CLASP1: variants seen among roughly 807,000 people sequenced by gnomAD.
CLASP1 encodes the protein CLIP-associating protein 1.
Under a neutral mutation model 192.3 loss-of-function variants are expected in CLASP1, and 38 were observed. That is an observed-to-expected ratio of 0.20 (90% CI 0.15 to 0.26). The LOEUF (loss-of-function observed/expected upper bound fraction) is 0.26, where lower values mean the gene tolerates loss of function less well. Ranked by LOEUF, CLASP1 falls within the 10% of genes least tolerant of loss-of-function variation. The probability of loss-of-function intolerance (pLI) is 1.00; values close to 1 mark genes in which losing one functional copy is unlikely to be tolerated. For missense variants in CLASP1, 1,433 were observed against 1,932.5 expected (o/e 0.74, Z 4.85); for synonymous variants, 691 against 712.8 (o/e 0.97, Z 0.49).
At chr2:121,507,566 T>A (rs1276835241) in intron 7 of CLASP1, among the ~76,000 whole-genome samples, 1 of 152,240 alleles carries the variant, frequency 6.6e-6, no homozygotes, top group Non-Finnish European at 1.5e-5. Context: ...CTAGTTGTTA[T>A]CGTTGCCTCA....
intron 9 of CLASP1, among the ~76,000 whole-genome samples, chr2:121,467,593 T>C (rs962902900): frequency 6.6e-6 from 1 of 152,212 alleles, no homozygotes; most frequent in African/African-American, 2.4e-5. Flanking sequence ...TGGCTGCATG[T>C]TCATCCTCTT....
intron 5 of CLASP1, among the ~76,000 whole-genome samples, chr2:121,526,425 T>C (rs1159365813): frequency 3.3e-5 from 5 of 152,308 alleles, no homozygotes; most frequent in Non-Finnish European, 4.4e-5. Flanking sequence ...TGGGGCACAT[T>C]TGAGTTACAA....
At chr2:121,637,022 G>A (rs916539209) in intron 1 of CLASP1, among the ~76,000 whole-genome samples, 6 of 152,164 alleles carry the variant, frequency 3.9e-5, no homozygotes, top group South Asian at 2.1e-4. Context: ...AGGCACCAGA[G>A]TGATGTCCAC....
At chr2:121,344,896 A>G (rs1034059130) in intron 39 of CLASP1, among the ~76,000 whole-genome samples, 2 of 152,120 alleles carry the variant, frequency 1.3e-5, no homozygotes, top group Non-Finnish European at 2.9e-5. Context: ...GGTGGCTCAC[A>G]CCTGCAATCC....
intron 1 of CLASP1, among the ~76,000 whole-genome samples, chr2:121,623,783 C>T (rs868719439): frequency 7.2e-5 from 11 of 152,054 alleles, no homozygotes; most frequent in Non-Finnish European, 1.0e-4. Context: ...AGGAGGCAAA[C>T]GCTGCAGTGA....
chr2:121,597,874 C>T (rs943199485), intron 2 of CLASP1, among the ~76,000 whole-genome samples: 1 of 152,190 alleles, frequency 6.6e-6, no homozygotes, highest in African/African-American at 2.4e-5. Flanking sequence ...TAAGTCCCCC[C>T]CCAATTCCCT....
At chr2:121,428,312 C>T (rs899089956) in intron 20 of CLASP1, among the ~76,000 whole-genome samples, 1 of 152,312 alleles carries the variant, frequency 6.6e-6, no homozygotes, top group African/African-American at 2.4e-5. Context: ...TGTTGATAAA[C>T]AGCATTAGAA....
At chr2:121,488,406 T>C (rs1193243943) in intron 8 of CLASP1, among the ~76,000 whole-genome samples, 2 of 152,070 alleles carry the variant, frequency 1.3e-5, no homozygotes, top group Non-Finnish European at 2.9e-5. Context: ...AATTTGCACA[T>C]GAGAAAATGA....
At chr2:121,536,791 G>A (rs572885563) in intron 2 of CLASP1, among the ~76,000 whole-genome samples, 1 of 152,318 alleles carries the variant, frequency 6.6e-6, no homozygotes, top group East Asian at 1.9e-4. Flanking sequence ...GTGGAAGGGA[G>A]AAATGAGAGT....
intron 14 of CLASP1, among the ~76,000 whole-genome samples, chr2:121,453,766 T>C (rs10496569): frequency 0.2 from 30,669 of 152,206 alleles, 5,782 homozygotes; most frequent in African/African-American, 0.5. Context: ...GAACTCCTAA[T>C]TCCACTATAT....
At chr2:121,459,403 TTTTTC>T (rs1416476955) in intron 12 of CLASP1, among the ~76,000 whole-genome samples, 2 of 152,152 alleles carry the variant, frequency 1.3e-5, no homozygotes, top group South Asian at 2.1e-4. Context: ...CCTTGGCTCC[TTTTTC>T]TTTTTTCTTT....
chr2:121,527,733 TATTTCAAAATAAA>T lies in CLASP1; in HGVS notation c.470+53_470+65del, dbSNP rs558183479. 5.4e-4 allele frequency: 660 copies of T among 1,229,792 alleles called. 10 individuals carry two copies. Among genetic ancestry groups the T allele is most frequent in the South Asian group, 5.1e-3 (393 of 76,968 alleles). 76.2% of individuals were successfully genotyped at this position (1,229,792 alleles called of 1,614,324 possible). On this transcript the variant is annotated intron_variant, in intron 5 of 39. Transcript: ENST00000263710. ...TTGCAACTTCCTGTAAATCTATAAT[TATTTCAAAATAAA>T]AAGTTTTAAAAAATTCAGCCACGTA...
At chr2:121,439,007 C>A (rs369190146) in intron 19 of CLASP1, among the ~76,000 whole-genome samples, 2 of 149,696 alleles carry the variant, frequency 1.3e-5, no homozygotes, top group Non-Finnish European at 1.5e-5. Context: ...ACAATTTCAG[C>A]TCCTGTTATT....
intron 2 of CLASP1, among the ~76,000 whole-genome samples, chr2:121,561,598 T>TA (rs920281918): frequency 2.6e-5 from 4 of 151,738 alleles, no homozygotes; most frequent in African/African-American, 4.8e-5. Flanking sequence ...CTGATGAGCT[T>TA]AAAAAAAAAT....
rs905829640 is a variant in CLASP1 at position 121,530,971 on chromosome 2, A to G, written c.196-646T>C. The G allele has an allele frequency of 2.1e-5, 15 of 700,272 alleles. No individual in the cohort carries two copies. Among genetic ancestry groups the G allele is most frequent in the Admixed American group, 4.0e-5 (2 of 49,996 alleles). The allele number at this position is 700,272 out of a possible 1,614,324, so 43.4% of individuals were successfully genotyped here. A position where few individuals can be genotyped will look rare whatever the true frequency, so the allele number is the denominator to read the frequency against. Reference sequence around the variant, plus strand: ...CCTGAACAACACACCCGCATCAACTAGAGCTTTTGCTTTATTTTGGTGCAA... The same window carrying G: ...CCTGAACAACACACCCGCATCAACTGGAGCTTTTGCTTTATTTTGGTGCAA... On this transcript the variant is annotated intron_variant, in intron 2 of 39. Transcript: ENST00000263710.
At chr2:121,363,736 G>A (rs1403069157) in intron 36 of CLASP1, among the ~76,000 whole-genome samples, 1 of 144,850 alleles carries the variant, frequency 6.9e-6, no homozygotes, top group Non-Finnish European at 1.6e-5. Flanking sequence ...GCCTGTAAGA[G>A]TGAACTCCAC....
chr2:121,445,517 C>G (rs763519309), intron 19 of CLASP1: 44 of 1,279,350 alleles, frequency 3.4e-5, no homozygotes, highest in Middle Eastern at 2.2e-4. Context: ...GGAAAAGGAT[C>G]ATCAGCTTTA....
intron 31 of CLASP1, among the ~76,000 whole-genome samples, chr2:121,387,470 ATTGAGCAC>A: frequency 6.6e-6 from 1 of 152,166 alleles, no homozygotes; most frequent in Non-Finnish European, 1.5e-5. Context: ...GACAGACAAA[ATTGAGCAC>A]TTGCATCTTT....
At chr2:121,525,320 C>A (rs1157032469) in intron 6 of CLASP1, among the ~76,000 whole-genome samples, 1 of 152,116 alleles carries the variant, frequency 6.6e-6, no homozygotes, top group Non-Finnish European at 1.5e-5. Flanking sequence ...GGAAGTGGTA[C>A]TTTTTGTTAA....
Sources: gnomAD v4.1 joint callset for allele counts (sites outside exome capture counted in the v4.1 genomes callset) on GRCh38, gnomAD v4.1.1 for gene constraint, MANE v1.5 for transcripts, NCBI Gene and HGNC (gene_info 2026-07-23, HGNC 2026-07-21) for gene names.